Variants in NANOS3 observed in about 807,000 individuals in gnomAD.
NANOS3 encodes the protein nanos C2HC-type zinc finger 3.
Under a neutral mutation model 13.8 loss-of-function variants are expected in NANOS3, and 11 were observed. The ratio of observed to expected loss-of-function variants is 0.80; its 90% CI spans 0.50 to 1.32. NANOS3 has a LOEUF of 1.32. NANOS3 is among the 40% of genes most tolerant of loss of function. NANOS3 has a pLI of 0.00. For synonymous variants in NANOS3, 119 were observed against 115.4 expected (o/e 1.03, Z -0.20); for missense variants, 221 against 263.8 (o/e 0.84, Z 1.12).
intron 1 of NANOS3, among the ~76,000 whole-genome samples, chr19:13,870,365 G>A (rs1471589175): frequency 6.6e-6 from 1 of 151,974 alleles, no homozygotes; most frequent in South Asian, 2.1e-4. Flanking sequence ...ACGGGCATGA[G>A]CCACCCGGCG....
At chr19:13,872,353 A>T (rs1004994368), upstream of NANOS3, among the ~76,000 whole-genome samples, 1 of 150,422 alleles carries the variant, frequency 6.6e-6, no homozygotes, top group Non-Finnish European at 1.5e-5. Context: ...TCAAAAAAAA[A>T]AAAAAAAAGA....
At chr19:13,876,091 A>G (rs1968503870), upstream of NANOS3, among the ~76,000 whole-genome samples, 1 of 152,154 alleles carries the variant, frequency 6.6e-6, no homozygotes, top group South Asian at 2.1e-4. Flanking sequence ...CCCAGCACCT[A>G]GCCTCAGGGG....
Position 13,877,678 on chromosome 19 carries a change from C to T in NANOS3, c.430C>T (p.Arg144Ter), listed in dbSNP as rs773804199. The T allele has an allele frequency of 6.2e-7, 1 of 1,611,814 alleles. No individual in the cohort carries two copies. The highest frequency in any genetic ancestry group is 8.5e-7 in the Non-Finnish European group (1 of 1,179,764). The change falls in exon 1 of 2, where the codon CGA (arginine) becomes TGA (stop). Residue 144 changes from arginine (R) to a stop codon, truncating the protein, a stop_gained. Coordinates refer to ENST00000339133, the MANE Select transcript of NANOS3 (RefSeq NM_001098622.3). LOFTEE classifies it high-confidence loss of function. ...GYTSVYSHTT[R>*]NSAGKKLVRP... is the part of the protein sequence containing the mutation. ...CACCTCCGTCTACAGCCACACCACC[C>T]GAAACTCGGCAGGCAAGAAGCTGGT... is the stretch of plus-strand genomic sequence containing the variant.
At chr19:13,872,617 C>T (rs1479895792), upstream of NANOS3, among the ~76,000 whole-genome samples, 1 of 152,272 alleles carries the variant, frequency 6.6e-6, no homozygotes, top group Non-Finnish European at 1.5e-5. Context: ...CCAACTCACT[C>T]TCCTTCCCAA....
chr19:13,870,708 C>A (rs987514001), intron 1 of NANOS3, among the ~76,000 whole-genome samples: 6 of 151,650 alleles, frequency 4.0e-5, no homozygotes, highest in Non-Finnish European at 8.8e-5. Context: ...GCTGGGACTA[C>A]AGGTGTGCGC....
At chr19:13,863,092 C>T (rs542609899), upstream of NANOS3, among the ~76,000 whole-genome samples, 3 of 152,310 alleles carry the variant, frequency 2.0e-5, no homozygotes, top group South Asian at 6.2e-4. Flanking sequence ...AGACGAGGCT[C>T]ATACACGTCT....
intron 1 of NANOS3, among the ~76,000 whole-genome samples, chr19:13,870,030 C>A (rs995243388): frequency 1.3e-5 from 2 of 151,556 alleles, no homozygotes; most frequent in Non-Finnish European, 2.9e-5. Context: ...GGCCTTCTAG[C>A]CATGCCCACC....
chr19:13,874,674 C>T, upstream of NANOS3: 1 of 524,466 alleles, frequency 1.9e-6, no homozygotes, highest in Non-Finnish European at 4.0e-6. Context: ...TCCCTGCCAC[C>T]TACCCCACCC....
At chr19:13,868,352 T>C (rs982934493) in intron 1 of NANOS3, among the ~76,000 whole-genome samples, 1 of 151,888 alleles carries the variant, frequency 6.6e-6, no homozygotes, top group Non-Finnish European at 1.5e-5. Context: ...AGCCAGTGCG[T>C]CCGGCCCCAA....
upstream of NANOS3, among the ~76,000 whole-genome samples, chr19:13,873,884 A>T (rs966851157): frequency 1.7e-5 from 2 of 119,780 alleles, no homozygotes; most frequent in African/African-American, 3.1e-5. Flanking sequence ...AGGGGTGCGT[A>T]CCTGTAGGCC....
At chr19:13,874,455 C>CT (rs1968468501), upstream of NANOS3, among the ~76,000 whole-genome samples, 1 of 152,208 alleles carries the variant, frequency 6.6e-6, no homozygotes, top group Non-Finnish European at 1.5e-5. Flanking sequence ...TTGTGAATTA[C>CT]TTAAGGAGCG....
upstream of NANOS3, among the ~76,000 whole-genome samples, chr19:13,874,405 C>T (rs1398994917): frequency 1.3e-5 from 2 of 152,208 alleles, no homozygotes; most frequent in African/African-American, 2.4e-5. Flanking sequence ...TCAGTCTCCC[C>T]AGTTGACAAA....
At chr19:13,876,937 G>A (rs1968524941), upstream of NANOS3, among the ~76,000 whole-genome samples, 1 of 152,124 alleles carries the variant, frequency 6.6e-6, no homozygotes, top group Non-Finnish European at 1.5e-5. Flanking sequence ...GGGGGCTGTG[G>A]TGCACCTCGC....
At chr19:13,868,461 C>T (rs1046528413) in intron 1 of NANOS3, among the ~76,000 whole-genome samples, 2 of 151,876 alleles carry the variant, frequency 1.3e-5, no homozygotes, top group South Asian at 2.1e-4. Context: ...CAGTGGTTCA[C>T]GCCTGTAATC....
rs1968528194 is a variant in NANOS3 at position 13,877,145 on chromosome 19, A to C, written c.-104A>C. On this transcript the variant is annotated 5_prime_UTR_variant, in exon 1 of 2. Coordinates refer to ENST00000339133, the MANE Select transcript of NANOS3 (RefSeq NM_001098622.3). ...CAGCACAGACTCCCAGGCTCCAGAGAGGGGAAGGAAGGGGCAGCAGAGAGG... is the reference window on the plus strand; with the variant it reads ...CAGCACAGACTCCCAGGCTCCAGAGCGGGGAAGGAAGGGGCAGCAGAGAGG... 1.0e-6 allele frequency: 1 copy of C among 964,756 alleles called. No individual in the cohort carries two copies. Among genetic ancestry groups the C allele is most frequent in the African/African-American group, 1.6e-5 (1 of 61,460 alleles). 59.8% of individuals were successfully genotyped at this position (964,756 alleles called of 1,614,324 possible).
At chr19:13,872,282 T>C (rs1049124099), upstream of NANOS3, among the ~76,000 whole-genome samples, 1 of 146,480 alleles carries the variant, frequency 6.8e-6, no homozygotes, top group African/African-American at 2.5e-5. Context: ...GAGGTGGAAA[T>C]TGCAGTGGGC....
chr19:13,872,987 G>A (rs1280694385), upstream of NANOS3, among the ~76,000 whole-genome samples: 3 of 151,444 alleles, frequency 2.0e-5, no homozygotes, highest in African/African-American at 7.3e-5. Flanking sequence ...TTGGGGGCGT[G>A]CCCGGTCGGG....
chr19:13,865,351 TC>T (rs1976218079), upstream of NANOS3: 2 of 146,478 alleles, frequency 1.4e-5, no homozygotes, highest in Non-Finnish European at 3.0e-5. Context: ...AAATGCAATT[TC>T]CCGTGCAGGC....
upstream of NANOS3, among the ~76,000 whole-genome samples, chr19:13,864,208 G>C (rs1976197380): frequency 6.6e-6 from 1 of 152,098 alleles, no homozygotes; most frequent in Non-Finnish European, 1.5e-5. Context: ...ACCTGGGCAG[G>C]GGGAGGGGGG....
Sources: allele counts gnomAD v4.1 joint callset (sites outside exome capture counted in the v4.1 genomes callset), GRCh38; gene constraint gnomAD v4.1.1; transcripts MANE v1.5; gene names NCBI Gene and HGNC (gene_info 2026-07-23, HGNC 2026-07-21).